MYH13: variants seen among roughly 807,000 people sequenced by gnomAD.
MYH13 encodes myosin heavy chain 13.
A neutral mutation model predicts 232.1 loss-of-function variants in MYH13; 177 were observed. That is an observed-to-expected ratio of 0.76 (90% CI 0.67 to 0.86). The LOEUF is 0.86. MYH13 is among the 40% of genes least tolerant of loss of function. MYH13 has a pLI of 0.00. For synonymous variants in MYH13, 884 were observed against 923.5 expected (o/e 0.96, Z 0.78); for missense variants, 2,246 against 2,405.9 (o/e 0.93, Z 1.39).
At chr17:10,360,436 T>C (rs944801295) in intron 5 of MYH13, among the ~76,000 whole-genome samples, 15 of 152,196 alleles carry the variant, frequency 9.9e-5, no homozygotes, top group African/African-American at 3.6e-4. Context: ...TCCCACAGTG[T>C]AGAAGTTACT....
intron 13 of MYH13, 121 bp from the exon 14 acceptor site, chr17:10,345,737 G>T: frequency 6.5e-7 from 1 of 1,533,618 alleles, no homozygotes. Context: ...GCTCACACCT[G>T]TAATCCCAGC....
In MYH13 at chr17:10,307,006, G is replaced by T; in HGVS notation, c.5228C>A (p.Ala1743Glu). 1 of 1,613,988 alleles carries T rather than the reference G, an allele frequency of 6.2e-7. No homozygotes were observed. The highest frequency in any genetic ancestry group is 2.2e-5 in the East Asian group (1 of 44,878). The change falls in exon 36 of 41, where the codon GCA becomes GAA. Residue 1743 changes from alanine to glutamate, a missense_variant. Physicochemically the swap from Ala to Glu is moderately radical, Grantham distance 107 (BLOSUM62 -1). Transcript: ENST00000252172. ...CTCCTGGATCGAGTTCTCCACCTCT[G>T]CCTGGCACTGAGCTATGTCAGCCTC... Reference protein sequence around the residue: ...KLEADIAQCQAEVENSIQESR... With the variant: ...KLEADIAQCQEEVENSIQESR...
At chr17:10,371,080 TAGTTA>T (rs1434973963) in intron 2 of MYH13, 124 bp downstream of exon 2, 4 of 152,230 alleles carry the variant, frequency 2.6e-5, no homozygotes, top group African/African-American at 9.6e-5. Flanking sequence ...CCTTTAAGAA[TAGTTA>T]AGTTATTGGT....
Position 10,345,251 on chromosome 17 carries a change from A to T in MYH13, c.1535T>A (p.Phe512Tyr). The change falls in exon 15 of 41, where the codon TTC becomes TAC. Residue 512 changes from phenylalanine to tyrosine, a missense_variant. Phe to Tyr is a conservative substitution (Grantham distance 22). Transcript: ENST00000252172. ...AGCCAGGTCCATTCCGAAGTCAATGAACTCCCACTCGATGCCTTCCTTCTT... is the reference window on the plus strand; with the variant it reads ...AGCCAGGTCCATTCCGAAGTCAATGTACTCCCACTCGATGCCTTCCTTCTT... ...EYKKEGIEWEFIDFGMDLAAC... is the reference protein window; with the variant it reads ...EYKKEGIEWEYIDFGMDLAAC... 6.2e-7 allele frequency: 1 copy of T among 1,614,120 alleles called. No homozygotes were observed. Among genetic ancestry groups the T allele is most frequent in the Non-Finnish European group, 8.5e-7 (1 of 1,180,006 alleles).
At chr17:10,371,779 A>C (rs886973175) in intron 1 of MYH13, among the ~76,000 whole-genome samples, 1 of 152,130 alleles carries the variant, frequency 6.6e-6, no homozygotes, top group Non-Finnish European at 1.5e-5. Context: ...TTTTTTTGGC[A>C]ATAGGAGAAA....
intron 39 of MYH13, among the ~76,000 whole-genome samples, chr17:10,302,466 C>G (rs1457094647): frequency 6.6e-6 from 1 of 152,128 alleles, no homozygotes; most frequent in African/African-American, 2.4e-5. Flanking sequence ...GATGACATAT[C>G]AAACTCTACA....
chr17:10,356,195 C>T (rs2071748126), intron 8 of MYH13, among the ~76,000 whole-genome samples: 1 of 152,110 alleles, frequency 6.6e-6, no homozygotes, highest in South Asian at 2.1e-4. Flanking sequence ...GTACTAGCCT[C>T]AATATTTTCT....
At chr17:10,314,194 C>T (rs572931286) in intron 29 of MYH13, among the ~76,000 whole-genome samples, 3 of 152,202 alleles carry the variant, frequency 2.0e-5, no homozygotes, top group Non-Finnish European at 2.9e-5. Flanking sequence ...CCGAGATGGG[C>T]GGATCACCTG....
At chr17:10,361,655 G>A (rs1228446278) in intron 5 of MYH13, among the ~76,000 whole-genome samples, 1 of 152,146 alleles carries the variant, frequency 6.6e-6, no homozygotes, top group African/African-American at 2.4e-5. Context: ...AGACAGACTT[G>A]ATATTAGGCA....
chr17:10,343,850 G>C lies in MYH13; in HGVS notation c.1844C>G (p.Ser615Trp). Residue 615 changes from serine to tryptophan, a missense_variant, in exon 16 of 41, where the codon TCG becomes TGG. Physicochemically the swap from Ser to Trp is radical, Grantham distance 177. Coordinates refer to ENST00000252172, the MANE Select transcript of MYH13 (RefSeq NM_003802.3). ...ETVVGLYQKS[S>W]LKLLSFLFSN... ...AAAAAGGAAGGAGAGAAGCTTCAGCGAAGACTTCTGGTACAGCCCCACCAC... is the reference window on the plus strand; with the variant it reads ...AAAAAGGAAGGAGAGAAGCTTCAGCCAAGACTTCTGGTACAGCCCCACCAC... The C allele has an allele frequency of 6.2e-7, 1 of 1,611,138 alleles. No individual in the cohort carries two copies. Among genetic ancestry groups the C allele is most frequent in the Non-Finnish European group, 8.5e-7 (1 of 1,178,128 alleles).
intron 12 of MYH13, among the ~76,000 whole-genome samples, chr17:10,349,114 C>G (rs895889925): frequency 6.8e-6 from 1 of 146,646 alleles, no homozygotes; most frequent in Non-Finnish European, 1.5e-5. Flanking sequence ...CTTTCTTTCT[C>G]TTTATTTCAT....
Position 10,359,999 on chromosome 17 carries a change from G to C in MYH13, c.606C>G (p.Thr202=). The change falls in exon 7 of 41, where the codon ACC becomes ACG. Residue 202 remains threonine, a synonymous_variant. Transcript: ENST00000252172. ...VIQYFATIAV[T]GDKKKETQPG... ...GCTGTGTCTCCTTCTTCTTGTCCCCGGTAACTGCAATTGTTGCAAAATACT... is the reference window on the plus strand; with the variant it reads ...GCTGTGTCTCCTTCTTCTTGTCCCCCGTAACTGCAATTGTTGCAAAATACT... The C allele has an allele frequency of 6.2e-7, 1 of 1,614,010 alleles. No individual in the cohort carries two copies. Among genetic ancestry groups the C allele is most frequent in the South Asian group, 1.1e-5 (1 of 91,072 alleles).
At position 10,301,647 on chromosome 17, in the gene MYH13, C is replaced by T. The variant is rs1567653274; in HGVS notation, c.5724G>A (p.Glu1908=). The change falls in exon 40 of 41, where the codon GAG becomes GAA. Residue 1908 remains glutamate, a synonymous_variant. Coordinates refer to ENST00000252172, the MANE Select transcript of MYH13 (RefSeq NM_003802.3). ...CGATGTCCGCCCTCTCCGCGGCCTC[C>T]TCTAGCTCATGCTGGACTCTCCGGC... ...SRCRRVQHEL[E]EAAERADIAE... 1 of 1,614,090 alleles carries T rather than the reference C, an allele frequency of 6.2e-7. No individual in the cohort carries two copies. Among genetic ancestry groups the T allele is most frequent in the Non-Finnish European group, 8.5e-7 (1 of 1,180,050 alleles).
chr17:10,344,820 CAAA>C (rs10566615), intron 15 of MYH13, among the ~76,000 whole-genome samples: 1 of 53,474 alleles, frequency 1.9e-5, no homozygotes, highest in Non-Finnish European at 3.9e-5. Context: ...GACTCCGTCT[CAAA>C]AAAAAAAAAA....
rs186508169 is a variant in MYH13, at chr17:10,364,850, A to G, written c.-12-308T>C. Among the ~76,000 whole-genome samples the G allele has an allele frequency of 9.2e-5, 14 of 152,148 alleles. No individual in the cohort carries two copies. The East Asian group carries it at 1.9e-3, about 21-fold the overall frequency. ...ATCAATTAGAGCCATGGTGAACTCA[A>G]TAAAAGAGGCTTCAGGAAGCACTTT... On this transcript the variant is annotated intron_variant, in intron 2 of 40. Coordinates refer to ENST00000252172, the MANE Select transcript of MYH13 (RefSeq NM_003802.3).
At chr17:10,352,408 G>T (rs1029966119) in intron 11 of MYH13, among the ~76,000 whole-genome samples, 6 of 152,074 alleles carry the variant, frequency 3.9e-5, no homozygotes, top group African/African-American at 1.4e-4. Flanking sequence ...TGGCCAACAT[G>T]GGGAAACCCC....
intron 33 of MYH13, 25 bp from the exon 34 acceptor site, chr17:10,309,855 A>C: frequency 6.5e-7 from 1 of 1,528,928 alleles, no homozygotes; most frequent in Non-Finnish European, 8.8e-7. Flanking sequence ...GGAGTGATTG[A>C]GAGTGCCGTG....
At chr17:10,361,287 A>G (rs1291516422) in intron 5 of MYH13, among the ~76,000 whole-genome samples, 1 of 147,228 alleles carries the variant, frequency 6.8e-6, no homozygotes, top group East Asian at 2.1e-4. Flanking sequence ...TTCAGATGCT[A>G]GACTCTTTTT....
rs373889360 is a variant in MYH13, at chr17:10,312,559, C to T, written c.4365+15G>A. ...CCTCATGCCATCTTCACAAAGAAAG[C>T]GGCTGGGGAAGGACCTTGTCGAAGT... is the stretch of plus-strand genomic sequence containing the variant. On this transcript the variant is annotated intron_variant, in intron 31 of 40. Coordinates refer to ENST00000252172, the MANE Select transcript of MYH13 (RefSeq NM_003802.3). 46 of 1,602,918 alleles carry T rather than the reference C, an allele frequency of 2.9e-5. No homozygotes were observed. Among genetic ancestry groups the T allele is most frequent in the Non-Finnish European group, 3.7e-5 (43 of 1,174,512 alleles).
Sources: gnomAD v4.1 joint callset for allele counts (sites outside exome capture counted in the v4.1 genomes callset) on GRCh38, gnomAD v4.1.1 for gene constraint, MANE v1.5 for transcripts, NCBI Gene and HGNC (gene_info 2026-07-23, HGNC 2026-07-21) for gene names.